Variants in KCNQ1OT1 observed in about 807,000 individuals in gnomAD.
The protein encoded by KCNQ1OT1 is KCNQ1 opposite strand/antisense transcript 1.
Position 2,627,095 on chromosome 11 carries a change from C to T in KCNQ1OT1, n.72900G>A. ...CCTTTATGTCTACTTTAATTTCTTTCAGCATTGTTTTGTAATTTTCATTGT... is the reference window on the plus strand; with the variant it reads ...CCTTTATGTCTACTTTAATTTCTTTTAGCATTGTTTTGTAATTTTCATTGT... On this transcript the variant is annotated non_coding_transcript_exon_variant, in exon 1 of 1. Coordinates refer to ENST00000597346, the Ensembl canonical transcript of KCNQ1OT1. The surrounding 1 kb of genome is among the most constrained non-coding windows in gnomAD (Gnocchi z 4.9). 2.5e-6 allele frequency: 1 copy of T among 398,504 alleles called. No individual in the cohort carries two copies. The highest frequency in any genetic ancestry group is 4.4e-6 in the Non-Finnish European group (1 of 226,032). 24.7% of individuals were successfully genotyped at this position (398,504 alleles called of 1,614,324 possible).
At position 2,613,976 on chromosome 11, in the gene KCNQ1OT1, A is replaced by C. The variant is rs1849020576; in HGVS notation, n.86019T>G. The C allele has an allele frequency of 2.5e-6, 1 of 398,624 alleles. No individual in the cohort carries two copies. The allele number at this position is 398,624 out of a possible 1,614,324, so 24.7% of individuals were successfully genotyped here. On this transcript the variant is annotated non_coding_transcript_exon_variant, in exon 1 of 1. Transcript: ENST00000597346. This position sits in a 1 kb window ranked among gnomAD's most constrained non-coding sequence, Gnocchi z 4.8. ...CAACATCTCCTAGAAATCACTCAAC[A>C]TCCATTCACAGAGATCTTTCTCATT...
chr11:2,616,761 A>AT (rs996973876), exon 1 of KCNQ1OT1: 3 of 397,944 alleles, frequency 7.5e-6, no homozygotes, highest in Middle Eastern at 6.3e-4. Flanking sequence ...ATTTTGTATG[A>AT]TTTCTATATT....
In KCNQ1OT1 at chr11:2,653,432, C is replaced by G. The variant is rs1365909422; in HGVS notation, n.46563G>C. On this transcript the variant is annotated non_coding_transcript_exon_variant, in exon 1 of 1. Transcript: ENST00000597346. The surrounding 1 kb of genome is among the most constrained non-coding windows in gnomAD (Gnocchi z 5.3). ...GAACCCCAACTCAAACAAGCTTAAG[C>G]ACAAAAGGGACATTTTTTGGCTCAC... 5.0e-6 allele frequency: 2 copies of G among 398,590 alleles called. No homozygotes were observed. Among genetic ancestry groups the G allele is most frequent in the Non-Finnish European group, 8.8e-6 (2 of 226,136 alleles). 24.7% of individuals were successfully genotyped at this position (398,590 alleles called of 1,614,324 possible). A position where few individuals can be genotyped will look rare whatever the true frequency, so the allele number is the denominator to read the frequency against.
chr11:2,657,215 C>G lies in KCNQ1OT1; in HGVS notation n.42780G>C, dbSNP rs554303726. The G allele has an allele frequency of 4.9e-4, 195 of 398,620 alleles. No homozygotes were observed. The Middle Eastern group carries it at 5.7e-3, about 12-fold the overall frequency. 24.7% of individuals were successfully genotyped at this position (398,620 alleles called of 1,614,324 possible). On this transcript the variant is annotated non_coding_transcript_exon_variant, in exon 1 of 1. Coordinates refer to ENST00000597346, the Ensembl canonical transcript of KCNQ1OT1. This position sits in a 1 kb window ranked among gnomAD's most constrained non-coding sequence, Gnocchi z 4.8. Reference sequence around the variant, plus strand: ...GCCAATTCTTGGCTTTTTGCACTTCCAAGTCGCAGTTAGAATCAGCTTGCC... The same window carrying G: ...GCCAATTCTTGGCTTTTTGCACTTCGAAGTCGCAGTTAGAATCAGCTTGCC...
At chr11:2,610,244 C>T (rs1260049573) in exon 1 of KCNQ1OT1, 1 of 397,694 alleles carries the variant, frequency 2.5e-6, no homozygotes, top group Non-Finnish European at 4.4e-6. Context: ...TTATATTAAT[C>T]CTGGTGAGAT....
exon 1 of KCNQ1OT1, chr11:2,688,011 C>G (rs1850520859): frequency 5.0e-6 from 2 of 398,626 alleles, no homozygotes; most frequent in Non-Finnish European, 8.8e-6. Flanking sequence ...GAGGGGTCAG[C>G]ACCCCTCTAG....
chr11:2,699,614 A>AGAGAACCGCGCCGAAGAACCCCCGG (rs1554908679), exon 1 of KCNQ1OT1: 1 of 230,448 alleles, frequency 4.3e-6, no homozygotes, highest in Non-Finnish European at 7.0e-6. Flanking sequence ...AGGCCCCCGG[A>AGAGAACCGCGCCGAAGAACCCCCGG]GAGAACCGCG....
At chr11:2,672,452 A>G (rs1041203735) in exon 1 of KCNQ1OT1, 1 of 398,656 alleles carries the variant, frequency 2.5e-6, no homozygotes, top group Non-Finnish European at 4.4e-6. Flanking sequence ...AAGAGCTTCA[A>G]TTGAGATATC....
Position 2,690,824 on chromosome 11 carries a change from G to T in KCNQ1OT1, n.9171C>A, listed in dbSNP as rs978053292. The T allele has an allele frequency of 1.8e-5, 7 of 398,506 alleles. No individual in the cohort carries two copies. Among genetic ancestry groups the T allele is most frequent in the African/African-American group, 1.2e-4 (6 of 48,610 alleles). The allele number at this position is 398,506 out of a possible 1,614,324, so 24.7% of individuals were successfully genotyped here. On this transcript the variant is annotated non_coding_transcript_exon_variant, in exon 1 of 1. Coordinates refer to ENST00000597346, the Ensembl canonical transcript of KCNQ1OT1. The surrounding 1 kb of genome is among the most constrained non-coding windows in gnomAD (Gnocchi z 5.1). ...TGTCTCCTTGGCTTCCAGCTTCCAG[G>T]CTCTGGCACTCCCACTGTTAGGAAC...
In KCNQ1OT1 at chr11:2,669,544, G is replaced by A; in HGVS notation, n.30451C>T. On this transcript the variant is annotated non_coding_transcript_exon_variant, in exon 1 of 1. Coordinates refer to ENST00000597346, the Ensembl canonical transcript of KCNQ1OT1. This position sits in a 1 kb window ranked among gnomAD's most constrained non-coding sequence, Gnocchi z 5.6. ...TATGTTCGCTGAATCCAGGGACAAG[G>A]TCTGTCAGGGAGCCCTGGCCAGCTT... 1 of 398,608 alleles carries A rather than the reference G, an allele frequency of 2.5e-6. No individual in the cohort carries two copies. Among genetic ancestry groups the A allele is most frequent in the Non-Finnish European group, 4.4e-6 (1 of 226,076 alleles). The allele number at this position is 398,608 out of a possible 1,614,324, so 24.7% of individuals were successfully genotyped here. A position where few individuals can be genotyped will look rare whatever the true frequency, so the allele number is the denominator to read the frequency against.
At chr11:2,672,950 T>G in exon 1 of KCNQ1OT1, 1 of 398,708 alleles carries the variant, frequency 2.5e-6, no homozygotes, top group East Asian at 3.6e-5. Flanking sequence ...TGGCAAGGAA[T>G]CATGAACCCC....
Position 2,654,460 on chromosome 11 carries a change from G to A in KCNQ1OT1, n.45535C>T, listed in dbSNP as rs1431174019. 3 of 398,610 alleles carry A rather than the reference G, an allele frequency of 7.5e-6. No individual in the cohort carries two copies. Among genetic ancestry groups the A allele is most frequent in the African/African-American group, 4.1e-5 (2 of 48,590 alleles). The allele number at this position is 398,610 out of a possible 1,614,324, so 24.7% of individuals were successfully genotyped here. A position where few individuals can be genotyped will look rare whatever the true frequency, so the allele number is the denominator to read the frequency against. On this transcript the variant is annotated non_coding_transcript_exon_variant, in exon 1 of 1. Coordinates refer to ENST00000597346, the Ensembl canonical transcript of KCNQ1OT1. The surrounding 1 kb of genome is among the most constrained non-coding windows in gnomAD (Gnocchi z 6.4). ...GCAAGGTTCCCGTGCTGAGCGCCAG[G>A]CACACATAAGCCCTGCAGCCGTACA...
exon 1 of KCNQ1OT1, chr11:2,639,277 G>A (rs930154931): frequency 6.6e-5 from 10 of 152,202 alleles, no homozygotes; most frequent in African/African-American, 2.4e-4. Flanking sequence ...TCCTTTGGAT[G>A]GGGAGAGGTG....
exon 1 of KCNQ1OT1, chr11:2,619,838 T>G (rs891647174): frequency 2.5e-6 from 1 of 398,378 alleles, no homozygotes; most frequent in Admixed American, 4.4e-5. Flanking sequence ...CTTTTCTTTG[T>G]TTGAGGTTTT....
At position 2,671,401 on chromosome 11, in the gene KCNQ1OT1, G is replaced by A; in HGVS notation, n.28594C>T. 2 of 398,518 alleles carry A rather than the reference G, an allele frequency of 5.0e-6. No individual in the cohort carries two copies. Among genetic ancestry groups the A allele is most frequent in the African/African-American group, 2.1e-5 (1 of 48,704 alleles). 24.7% of individuals were successfully genotyped at this position (398,518 alleles called of 1,614,324 possible). A position where few individuals can be genotyped will look rare whatever the true frequency, so the allele number is the denominator to read the frequency against. On this transcript the variant is annotated non_coding_transcript_exon_variant, in exon 1 of 1. Coordinates refer to ENST00000597346, the Ensembl canonical transcript of KCNQ1OT1. This position sits in a 1 kb window ranked among gnomAD's most constrained non-coding sequence, Gnocchi z 4.7. ...GGAACACCTGGCATGCCTCTCCCAG[G>A]GTACTCTGGATGTGCACCCAGAGAT... is the stretch of plus-strand genomic sequence containing the variant.
At chr11:2,648,663 A>G in exon 1 of KCNQ1OT1, 1 of 398,524 alleles carries the variant, frequency 2.5e-6, no homozygotes, top group Non-Finnish European at 4.4e-6. Flanking sequence ...ACTTTTAAAA[A>G]TTTATTGAGA....
exon 1 of KCNQ1OT1, chr11:2,696,116 T>C (rs1185694665): frequency 2.5e-6 from 1 of 398,554 alleles, no homozygotes; most frequent in Non-Finnish European, 4.4e-6. Context: ...CCATAATCAT[T>C]AATGCATTCA....
In KCNQ1OT1 at chr11:2,684,586, G is replaced by C. The variant is rs887093587; in HGVS notation, n.15409C>G. 3 of 398,552 alleles carry C rather than the reference G, an allele frequency of 7.5e-6. No individual in the cohort carries two copies. The Admixed American group carries it at 1.3e-4, about 18-fold the overall frequency. 24.7% of individuals were successfully genotyped at this position (398,552 alleles called of 1,614,324 possible). On this transcript the variant is annotated non_coding_transcript_exon_variant, in exon 1 of 1. Coordinates refer to ENST00000597346, the Ensembl canonical transcript of KCNQ1OT1. Reference sequence around the variant, plus strand: ...ATAAATGACTTTCTGGCAGAGGAGAGTGACTGTCCTTTGTCTGTGGCCCTG... The same window carrying C: ...ATAAATGACTTTCTGGCAGAGGAGACTGACTGTCCTTTGTCTGTGGCCCTG...
chr11:2,646,267 G>A, exon 1 of KCNQ1OT1: 1 of 398,572 alleles, frequency 2.5e-6, no homozygotes, highest in Admixed American at 4.4e-5. Flanking sequence ...TCTGGATAGG[G>A]ATTTCATAGC....
Sources: allele counts gnomAD v4.1 joint callset, GRCh38; gene constraint gnomAD v4.1.1; non-coding constraint Gnocchi (gnomAD v3.1); transcripts MANE v1.5; gene names NCBI Gene and HGNC (gene_info 2026-07-23, HGNC 2026-07-21).